ACOT9: variants seen among roughly 807,000 people sequenced by gnomAD.
ACOT9 encodes the protein acyl-CoA thioesterase 9, also known as acyl-coenzyme A thioesterase 9, mitochondrial.
A neutral mutation model predicts 39.7 loss-of-function variants in ACOT9; 34 were observed. The ratio of observed to expected loss-of-function variants is 0.86; its 90% CI spans 0.65 to 1.14. The LOEUF is 1.14. Ranked by LOEUF, ACOT9 falls within the 50% of genes most tolerant of loss-of-function variation. The probability of loss-of-function intolerance (pLI) is 0.00; values close to 1 mark genes in which losing one functional copy is unlikely to be tolerated. For synonymous variants in ACOT9, 110 were observed against 120.5 expected, an observed-to-expected ratio of 0.91 and a Z score of 0.57; for missense variants, 313 against 344.1, an observed-to-expected ratio of 0.91 and a Z score of 0.71.
chrX:23,731,869 T>C (rs1299570882), intron 4 of ACOT9, among the ~76,000 whole-genome samples: 1 of 111,493 alleles, frequency 9.0e-6, no homozygotes, highest in Non-Finnish European at 1.9e-5. Flanking sequence ...AAGAGAAGAT[T>C]AAGGTGAAAG....
At chrX:23,730,684 A>G (rs1240344737) in intron 5 of ACOT9, 120 bp from the exon 6 acceptor site, 1 of 953,051 alleles carries the variant, frequency 1.0e-6, no homozygotes, top group Non-Finnish European at 1.5e-6. Flanking sequence ...TGGATGCACA[A>G]CTCTCTAAAT....
intron 4 of ACOT9, among the ~76,000 whole-genome samples, chrX:23,731,582 T>C (rs1359055848): frequency 9.1e-6 from 1 of 110,375 alleles, no homozygotes; most frequent in Non-Finnish European, 1.9e-5. Context: ...TATTTGAAAT[T>C]AAATTAAAAA....
chrX:23,732,600 T>C (rs1455059169), intron 4 of ACOT9, among the ~76,000 whole-genome samples: 1 of 111,873 alleles, frequency 8.9e-6, no homozygotes, highest in East Asian at 2.8e-4. Flanking sequence ...AACAATAGAT[T>C]ATTATATATC....
intron 3 of ACOT9, among the ~76,000 whole-genome samples, chrX:23,733,819 T>C (rs1173480588): frequency 8.9e-6 from 1 of 112,221 alleles, no homozygotes; most frequent in Non-Finnish European, 1.9e-5. Context: ...TGGAGTGCAA[T>C]AGCACGATCT....
intron 4 of ACOT9, among the ~76,000 whole-genome samples, chrX:23,732,021 A>G (rs760700362): frequency 1.4e-4 from 16 of 112,048 alleles, no homozygotes; most frequent in African/African-American, 4.8e-4. Flanking sequence ...AATGAGTTAA[A>G]TGACACCAGT....
In ACOT9 at chrX:23,722,659, A is replaced by G. The variant is rs376077051; in HGVS notation, c.484+11T>C. On this transcript the variant is annotated intron_variant, in intron 7 of 15. Coordinates refer to ENST00000379303, the MANE Select transcript of ACOT9 (RefSeq NM_001037171.2). Reference sequence around the variant, plus strand: ...GAATTCTAAGTATGCATAGAAAATGATATCACTTACCAATCTTATCCACCA... The same window carrying G: ...GAATTCTAAGTATGCATAGAAAATGGTATCACTTACCAATCTTATCCACCA... The G allele has an allele frequency of 2.4e-4, 267 of 1,118,464 alleles. No homozygotes were observed. Among genetic ancestry groups the G allele is most frequent in the Admixed American group, 4.5e-4 (19 of 42,381 alleles). The allele number at this position is 1,118,464 out of a possible 1,213,427, so 92.2% of individuals were successfully genotyped here.
At chrX:23,734,236 G>T (rs1929857658) in intron 3 of ACOT9, 105 bp downstream of exon 3, 2 of 660,828 alleles carry the variant, frequency 3.0e-6, no homozygotes, top group Admixed American at 3.3e-5. Context: ...CTAAGGCAAA[G>T]AATGCAATTT....
At chrX:23,722,564 C>CAAA (rs55779124) in intron 7 of ACOT9, 106 bp downstream of exon 7, 6,341 of 456,092 alleles carry the variant, frequency 0.014, 4 homozygotes, top group East Asian at 0.028. Context: ...AACTCCGTCT[C>CAAA]AAAAAAAAAA....
rs1187105437 is a variant in ACOT9, at chrX:23,734,271, G to A, written c.145+70C>T. 6 of 942,303 alleles carry A rather than the reference G, an allele frequency of 6.4e-6. No homozygotes were observed. The South Asian group carries it at 7.3e-5, about 11-fold the overall frequency. 77.7% of individuals were successfully genotyped at this position (942,303 alleles called of 1,213,427 possible). A position where few individuals can be genotyped will look rare whatever the true frequency, so the allele number is the denominator to read the frequency against. Reference sequence around the variant, plus strand: ...TTAGTTAATGCCACTGCCCAAAAGTGCAAGCGTATATTAGTGCTTACAAAA... The same window carrying A: ...TTAGTTAATGCCACTGCCCAAAAGTACAAGCGTATATTAGTGCTTACAAAA... On this transcript the variant is annotated intron_variant, in intron 3 of 15. Transcript: ENST00000379303.
At chrX:23,718,132 A>G (rs1929146559) in intron 8 of ACOT9, among the ~76,000 whole-genome samples, 1 of 110,864 alleles carries the variant, frequency 9.0e-6, no homozygotes, top group Non-Finnish European at 1.9e-5. Context: ...TGTGATAGGC[A>G]CTGTACCAAA....
At chrX:23,731,791 G>T (rs991811890) in intron 4 of ACOT9, among the ~76,000 whole-genome samples, 1 of 110,087 alleles carries the variant, frequency 9.1e-6, no homozygotes, top group Non-Finnish European at 1.9e-5. Flanking sequence ...TCCAAAGGAA[G>T]TATGGAAGGC....
rs67075682 is a variant in ACOT9, at chrX:23,740,717, TAC to T, written c.20+2406_20+2407del. On this transcript the variant is annotated intron_variant, in intron 1 of 15. Coordinates refer to ENST00000379303, the MANE Select transcript of ACOT9 (RefSeq NM_001037171.2). Reference sequence around the variant, plus strand: ...AGTTCTTCCGATCTCCCCCAATACATACACACACACACACACACACACACACA... The same window carrying T: ...AGTTCTTCCGATCTCCCCCAATACATACACACACACACACACACACACACA... 5.3e-3 allele frequency among the ~76,000 whole-genome samples: 485 copies of T among 92,055 alleles called. 3 individuals carry two copies. Among genetic ancestry groups the T allele is most frequent in the East Asian group, 0.015 (41 of 2,727 alleles). The allele number at this position is 92,055 out of a possible 115,157, so 79.9% of individuals were successfully genotyped here. A position where few individuals can be genotyped will look rare whatever the true frequency, so the allele number is the denominator to read the frequency against.
At chrX:23,742,984 T>G in intron 1 of ACOT9, 141 bp downstream of exon 1, 1 of 753,596 alleles carries the variant, frequency 1.3e-6, no homozygotes. Flanking sequence ...GGAGGTACAG[T>G]GGGCGAGCGC....
In ACOT9 at chrX:23,703,742, T is replaced by C. The variant is rs1010412018; in HGVS notation, c.*152A>G. The C allele has an allele frequency of 9.4e-6, 4 of 424,866 alleles. No individual in the cohort carries two copies. Among genetic ancestry groups the C allele is most frequent in the African/African-American group, 7.5e-5 (3 of 39,801 alleles). 35.0% of individuals were successfully genotyped at this position (424,866 alleles called of 1,213,427 possible). On this transcript the variant is annotated 3_prime_UTR_variant, in exon 16 of 16. Transcript: ENST00000379303. ...CTCAGCCCCATCCGGCCACTCTCTC[T>C]TTCTGCTTTTCTGATCATCCTAAAG...
chrX:23,742,237 G>GGAGA (rs1287296568), intron 1 of ACOT9, among the ~76,000 whole-genome samples: 3 of 42,927 alleles, frequency 7.0e-5, no homozygotes, highest in East Asian at 1.7e-3. Context: ...AGAGAGAGAG[G>GGAGA]GAGAGAGAGA....
At chrX:23,727,453 G>A (rs1929572721) in intron 6 of ACOT9, among the ~76,000 whole-genome samples, 1 of 109,841 alleles carries the variant, frequency 9.1e-6, no homozygotes, top group African/African-American at 3.3e-5. Context: ...AGTCTTCTGA[G>A]TAGCTGGAAC....
rs13497 is a variant in ACOT9, at chrX:23,703,955, C to G, written c.1286G>C (p.Arg429Pro). Reference protein sequence around the residue: ...GESMLYLDGQRHFNSMSGPAT... With the variant: ...GESMLYLDGQPHFNSMSGPAT... ...TGGGCCACTCATGGAGTTGAAATGC[C>G]GCTGCCCATCTAAGTACAACATGGA... Residue 429 changes from arginine (R) to proline (P), a missense_variant, in exon 16 of 16, where the codon CGG becomes CCG. Arg to Pro is a moderately radical substitution (Grantham distance 103). Transcript: ENST00000379303. 5.0e-6 allele frequency: 6 copies of G among 1,208,491 alleles called. No homozygotes were observed. In the East Asian group the frequency reaches 1.8e-4, roughly 36 times the overall value.
chrX:23,722,540 G>T, intron 7 of ACOT9, 130 bp downstream of exon 7: 1 of 416,504 alleles, frequency 2.4e-6, no homozygotes, highest in Non-Finnish European at 4.0e-6. Context: ...CTCCGGCCTG[G>T]GTGACAAGAG....
rs1929717145 is a variant in ACOT9, at chrX:23,730,926, C to CTGTGA, written c.247_251dup (p.Gln84HisfsTer11). 3 of 1,211,147 alleles carry CTGTGA rather than the reference C, an allele frequency of 2.5e-6. No individual in the cohort carries two copies. Among genetic ancestry groups the CTGTGA allele is most frequent in the Non-Finnish European group, 3.4e-6 (3 of 894,824 alleles). ...TCATTCTCCTAGGAGGCAGTCCATC[C>CTGTGA]TGTGATTTAGCCAAGAAACTATGAA... is the stretch of plus-strand genomic sequence containing the variant. On this transcript the variant is annotated frameshift_variant, in exon 5 of 16. Coordinates refer to ENST00000379303, the MANE Select transcript of ACOT9 (RefSeq NM_001037171.2). LOFTEE classifies it high-confidence loss of function.
Sources: allele counts gnomAD v4.1 joint callset (sites outside exome capture counted in the v4.1 genomes callset), GRCh38; gene constraint gnomAD v4.1.1; transcripts MANE v1.5; gene names NCBI Gene and HGNC (gene_info 2026-07-23, HGNC 2026-07-21).